DOT1L: variants seen among roughly 807,000 people sequenced by gnomAD.
DOT1L encodes histone-lysine N-methyltransferase, H3 lysine-79 specific.
In DOT1L, 33 loss-of-function variants were observed where a neutral mutation model predicts 153.3. The observed-to-expected ratio is 0.22, with a 90% CI of 0.16 to 0.29. The LOEUF is 0.29. Among genes scored for constraint, DOT1L ranks in the 10% least tolerant of loss-of-function variants. The pLI is 1.00. For missense variants in DOT1L, 1,847 were observed against 2,119.9 expected, an observed-to-expected ratio of 0.87 and a Z score of 2.53; for synonymous variants, 1,135 against 965.1, an observed-to-expected ratio of 1.18 and a Z score of -3.26.
chr19:2,206,985 C>G (rs1204798090), intron 10 of DOT1L, among the ~76,000 whole-genome samples, 188 bp downstream of exon 10: 3 of 152,220 alleles, frequency 2.0e-5, no homozygotes, highest in Non-Finnish European at 4.4e-5. Flanking sequence ...ATGCCAGGAG[C>G]ACCCCTGGTC....
At chr19:2,227,483 C>G (rs567659423) in intron 27 of DOT1L, 7 of 546,478 alleles carry the variant, frequency 1.3e-5, no homozygotes, top group Middle Eastern at 5.8e-4. Flanking sequence ...AGCGAGTCCC[C>G]GCAGTGCCTG....
intron 1 of DOT1L, among the ~76,000 whole-genome samples, chr19:2,178,170 G>A (rs962438044): frequency 1.3e-5 from 2 of 149,242 alleles, no homozygotes; most frequent in African/African-American, 4.9e-5. Context: ...GACCTCGAGT[G>A]ATCCACCCGC....
At chr19:2,184,307 C>A (rs1050897178) in intron 2 of DOT1L, among the ~76,000 whole-genome samples, 1 of 152,012 alleles carries the variant, frequency 6.6e-6, no homozygotes, top group African/African-American at 2.4e-5. Context: ...ATGCTGGGGA[C>A]GGGTGACGAG....
chr19:2,203,133 C>T (rs1243303922), intron 9 of DOT1L, among the ~76,000 whole-genome samples: 2 of 151,976 alleles, frequency 1.3e-5, no homozygotes, highest in African/African-American at 4.8e-5. Flanking sequence ...GACGGAGTCT[C>T]ACTGTGTCCC....
chr19:2,185,950 C>T (rs1465818621), intron 3 of DOT1L, 21 bp downstream of exon 3: 2 of 1,610,960 alleles, frequency 1.2e-6, no homozygotes, highest in Non-Finnish European at 1.7e-6. Flanking sequence ...TCCTGTCCAG[C>T]CGCTCCGCTC....
At position 2,174,538 on chromosome 19, in the gene DOT1L, T is replaced by A. The variant is rs559302243; in HGVS notation, c.82-6175T>A. Among the ~76,000 whole-genome samples, 534 of 150,424 alleles carry A rather than the reference T, an allele frequency of 3.5e-3. 9 individuals are homozygous for A. The highest frequency in any genetic ancestry group is 0.012 in the African/African-American group (498 of 39,852). On this transcript the variant is annotated intron_variant, in intron 1 of 27. Transcript: ENST00000398665. ...CCCGTCTCTGTTAAAAATACAAAAT[T>A]AGCTGGGTGTGGTGGCGCACGCCTG... is the stretch of plus-strand genomic sequence containing the variant.
At chr19:2,169,013 C>CCA (rs2144649441) in intron 1 of DOT1L, among the ~76,000 whole-genome samples, 1 of 152,294 alleles carries the variant, frequency 6.6e-6, no homozygotes, top group Admixed American at 6.5e-5. Context: ...CCTTCAAAGG[C>CCA]CACAGAACGG....
chr19:2,198,787 C>T (rs1274738739), intron 7 of DOT1L, among the ~76,000 whole-genome samples: 1 of 152,222 alleles, frequency 6.6e-6, no homozygotes. Flanking sequence ...GGACATTTCA[C>T]AGAAACAGGA....
At chr19:2,223,070 C>T (rs2024188056) in intron 24 of DOT1L, among the ~76,000 whole-genome samples, 2 of 150,966 alleles carry the variant, frequency 1.3e-5, no homozygotes, top group Non-Finnish European at 3.0e-5. Context: ...GTGGGCACAT[C>T]AGGAGGGGGC....
intron 27 of DOT1L, chr19:2,229,463 C>G (rs568057040): frequency 1.0e-6 from 1 of 985,432 alleles, no homozygotes; most frequent in East Asian, 1.1e-4. Context: ...AATGCGGGCA[C>G]CTGCGGGCTG....
Position 2,220,033 on chromosome 19 carries a change from C to T in DOT1L, c.2692-75C>T. ...CCCCAGCCAGCTGCAGGCCTCAACA[C>T]TCACTGTTTCCAGCTGGGTTCTGGG... On this transcript the variant is annotated intron_variant, in intron 22 of 27. Coordinates refer to ENST00000398665, the MANE Select transcript of DOT1L (RefSeq NM_032482.3). The surrounding 1 kb of genome is among the most constrained non-coding windows in gnomAD (Gnocchi z 4.5). 1.4e-6 allele frequency: 2 copies of T among 1,392,732 alleles called. No homozygotes were observed. Among genetic ancestry groups the T allele is most frequent in the South Asian group, 2.6e-5 (2 of 76,014 alleles). The allele number at this position is 1,392,732 out of a possible 1,614,324, so 86.3% of individuals were successfully genotyped here. A position where few individuals can be genotyped will look rare whatever the true frequency, so the allele number is the denominator to read the frequency against.
intron 2 of DOT1L, among the ~76,000 whole-genome samples, chr19:2,183,035 G>C (rs938424971): frequency 2.0e-5 from 3 of 152,164 alleles, no homozygotes; most frequent in African/African-American, 7.2e-5. Flanking sequence ...TGCATCCCCA[G>C]CATGTGGCCA....
intron 19 of DOT1L, chr19:2,216,037 C>G: frequency 2.0e-6 from 1 of 509,616 alleles, no homozygotes; most frequent in Non-Finnish European, 3.5e-6. Flanking sequence ...TTGTATCTTC[C>G]TGTTGCTCTT....
chr19:2,167,740 T>TCC (rs2019981044), intron 1 of DOT1L, among the ~76,000 whole-genome samples: 1 of 146,478 alleles, frequency 6.8e-6, no homozygotes. Context: ...TTTTCTTTTT[T>TCC]TTTTTTTTTT....
At chr19:2,171,710 G>A (rs938143273) in intron 1 of DOT1L, among the ~76,000 whole-genome samples, 6 of 152,146 alleles carry the variant, frequency 3.9e-5, no homozygotes, top group Non-Finnish European at 7.3e-5. Flanking sequence ...ATGCATGTCC[G>A]GCAGGCCCTG....
rs1015310503 is a variant in DOT1L, at chr19:2,191,649, C to T, written c.493+409C>T. The stretch of plus-strand genomic sequence containing the variant: ...CAGTCCTTCCCTGGGCACACCTGCT[C>T]CCTCCACAGCGGCTGGAAAGGTCCC... On this transcript the variant is annotated intron_variant, in intron 5 of 27. Transcript: ENST00000398665. This position sits in a 1 kb window ranked among gnomAD's most constrained non-coding sequence, Gnocchi z 6.8. Among the ~76,000 whole-genome samples the T allele has an allele frequency of 2.0e-5, 3 of 152,176 alleles. No homozygotes were observed. The highest frequency in any genetic ancestry group is 4.4e-5 in the Non-Finnish European group (3 of 68,026).
rs532637232 is a variant in DOT1L, at chr19:2,192,666, C to G, written c.494-1023C>G. Among the ~76,000 whole-genome samples the G allele has an allele frequency of 6.7e-5, 9 of 134,784 alleles. No homozygotes were observed. In the South Asian group the frequency reaches 2.2e-3, roughly 33 times the overall value. The allele number at this position is 134,784 out of a possible 152,430, so 88.4% of individuals were successfully genotyped here. A position where few individuals can be genotyped will look rare whatever the true frequency, so the allele number is the denominator to read the frequency against. ...CCGGCCTGGGTGACAGAGTGAGACT[C>G]CGTCTCAAAAAAAAAAAAAAAAAAA... On this transcript the variant is annotated intron_variant, in intron 5 of 27. Coordinates refer to ENST00000398665, the MANE Select transcript of DOT1L (RefSeq NM_032482.3).
At chr19:2,177,699 G>A (rs1040832940) in intron 1 of DOT1L, among the ~76,000 whole-genome samples, 1 of 151,830 alleles carries the variant, frequency 6.6e-6, no homozygotes, top group East Asian at 1.9e-4. Context: ...CTGCTCCCTC[G>A]CCAACCCTCG....
At chr19:2,229,066 T>A in intron 27 of DOT1L, 5 of 985,414 alleles carry the variant, frequency 5.1e-6, no homozygotes, top group Non-Finnish European at 6.0e-6. Flanking sequence ...GCCGAGGGGC[T>A]TTCAGCTGCT....
Sources: allele counts gnomAD v4.1 joint callset (sites outside exome capture counted in the v4.1 genomes callset), GRCh38; gene constraint gnomAD v4.1.1; non-coding constraint Gnocchi (gnomAD v3.1); transcripts MANE v1.5; gene names NCBI Gene and HGNC (gene_info 2026-07-23, HGNC 2026-07-21).